Variants in HERC2 observed in about 807,000 individuals in gnomAD.
HERC2 encodes E3 ubiquitin-protein ligase HERC2.
In HERC2, 102 loss-of-function variants were observed where a neutral mutation model predicts 537.7. The ratio of observed to expected loss-of-function variants is 0.19; its 90% CI spans 0.16 to 0.22. The LOEUF is 0.22. HERC2 is among the 10% of genes least tolerant of loss of function. The probability of loss-of-function intolerance (pLI) is 1.00; values close to 1 mark genes in which losing one functional copy is unlikely to be tolerated. For missense variants in HERC2, 4,236 were observed against 6,198.2 expected (o/e 0.68, Z 10.63); for synonymous variants, 2,224 against 2,466.2 (o/e 0.90, Z 2.91).
chr15:28,274,378 G>T lies in HERC2; in HGVS notation c.713C>A (p.Ala238Asp), dbSNP rs1229555061. 1 of 1,614,022 alleles carries T rather than the reference G, an allele frequency of 6.2e-7. No homozygotes were observed. The highest frequency in any genetic ancestry group is 8.5e-7 in the Non-Finnish European group (1 of 1,179,998). Residue 238 changes from alanine to aspartate, a missense_variant, in exon 7 of 93, where the codon GCC (alanine) becomes GAC (aspartate). Transcript: ENST00000261609. ...SLDALRALPEASLFDESTVSS... is the reference protein window; with the variant it reads ...SLDALRALPEDSLFDESTVSS... ...CACGGTGCTCTCGTCAAAGAGCGAG[G>T]CCTCGGGAAGTGCTCGCAGGGCGTC...
chr15:28,168,378 A>G, intron 67 of HERC2, 29 bp downstream of exon 67: 1 of 1,604,456 alleles, frequency 6.2e-7, no homozygotes, highest in Non-Finnish European at 8.5e-7. Flanking sequence ...TTCCTTTCTG[A>G]TCTAACATTG....
At position 28,202,475 on chromosome 15, in the gene HERC2, C is replaced by T. The variant is rs778731000; in HGVS notation, c.7352G>A (p.Arg2451His). 1.2e-5 allele frequency: 17 copies of T among 1,468,912 alleles called. No homozygotes were observed. Among genetic ancestry groups the T allele is most frequent in the East Asian group, 9.1e-5 (4 of 43,940 alleles). 91.0% of individuals were successfully genotyped at this position (1,468,912 alleles called of 1,614,324 possible). Residue 2451 changes from arginine (R) to histidine (H), a missense_variant, in exon 46 of 93, where the codon CGC becomes CAC. Coordinates refer to ENST00000261609, the MANE Select transcript of HERC2 (RefSeq NM_004667.6). ...QHIRPARVKR[R>H]KQSPVPALPI... Reference sequence around the variant, plus strand: ...CAGAGCGGGAACGGGCGACTGCTTGCGCCTCTTCACTCTGGCAGGGCGGAT... The same window carrying T: ...CAGAGCGGGAACGGGCGACTGCTTGTGCCTCTTCACTCTGGCAGGGCGGAT...
intron 45 of HERC2, among the ~76,000 whole-genome samples, chr15:28,204,335 G>C (rs1898178462): frequency 6.6e-6 from 1 of 152,116 alleles, no homozygotes; most frequent in South Asian, 2.1e-4. Context: ...GCAAAAGATA[G>C]ATTTGGCCAG....
Position 28,176,768 on chromosome 15 carries a change from C to T in HERC2, c.9433G>A (p.Val3145Met). The change falls in exon 62 of 93, where the codon GTG becomes ATG. Residue 3145 changes from valine (V) to methionine (M), a missense_variant and splice_region_variant. By Grantham distance (21) the Val-to-Met change is conservative (BLOSUM62 1). Around this residue, in one of 27 missense-constraint regions of HERC2, gnomAD observed 606 missense variants for 884.5 expected, o/e 0.69. Transcript: ENST00000261609. The surrounding 1 kb of genome is among the most constrained non-coding windows in gnomAD (Gnocchi z 5.0). ...ACTCTGTGACCGAGAAGGACTTTCA[C>T]CTACTCAATTACAAATTTAAAAACA... ...DNTTQLKPKM[V>M]KVLLGHRVIQ... is the part of the protein sequence containing the mutation. The T allele has an allele frequency of 1.2e-6, 2 of 1,613,472 alleles. No homozygotes were observed. Among genetic ancestry groups the T allele is most frequent in the African/African-American group, 1.3e-5 (1 of 75,010 alleles).
intron 40 of HERC2, 40 bp downstream of exon 40, chr15:28,214,615 G>A (rs769376936): frequency 1.7e-5 from 28 of 1,607,780 alleles, no homozygotes; most frequent in Admixed American, 6.7e-5. Context: ...GCACTGCGCC[G>A]CTCTTCACCA....
intron 85 of HERC2, among the ~76,000 whole-genome samples, chr15:28,123,248 A>G (rs1889121149): frequency 6.6e-6 from 1 of 152,254 alleles, no homozygotes; most frequent in Non-Finnish European, 1.5e-5. Flanking sequence ...CTGCTGGGAC[A>G]GGACTCCAAA....
rs373439273 is a variant in HERC2 at position 28,196,499 on chromosome 15, T to C, written c.8082A>G (p.Ser2694=). Reference sequence around the variant, plus strand: ...GAATACTGGGTACCAACTCCATTTCTGATAGCAACCCAGTCCAGTGAGACT... The same window carrying C: ...GAATACTGGGTACCAACTCCATTTCCGATAGCAACCCAGTCCAGTGAGACT... The part of the protein sequence containing the change: ...PQQSHWTGLL[S]EMELVPSIHP... Residue 2694 remains serine (S), a synonymous_variant, in exon 51 of 93, where the codon TCA becomes TCG. Transcript: ENST00000261609. The C allele has an allele frequency of 1.1e-4, 181 of 1,613,664 alleles. No homozygotes were observed. The highest frequency in any genetic ancestry group is 1.7e-4 in the Admixed American group (10 of 59,994).
intron 75 of HERC2, chr15:28,142,595 G>A (rs1172325476): frequency 3.2e-6 from 2 of 628,722 alleles, no homozygotes. Context: ...CTTGTTGCCT[G>A]CATCAAGTGA....
chr15:28,210,089 G>C (rs921647512), intron 44 of HERC2, among the ~76,000 whole-genome samples: 4 of 151,130 alleles, frequency 2.6e-5, no homozygotes, highest in African/African-American at 9.7e-5. Flanking sequence ...AGCCTTCCAA[G>C]TAGCTGGGAT....
In HERC2 at chr15:28,196,441, C is replaced by A; in HGVS notation, c.8120+20G>T. On this transcript the variant is annotated intron_variant, in intron 51 of 92. Coordinates refer to ENST00000261609, the MANE Select transcript of HERC2 (RefSeq NM_004667.6). Reference sequence around the variant, plus strand: ...ACCATTCGTCCCAAAGCAAATCTAGCAACCATAAAAATAACTCACGTAACC... The same window carrying A: ...ACCATTCGTCCCAAAGCAAATCTAGAAACCATAAAAATAACTCACGTAACC... 6.3e-7 allele frequency: 1 copy of A among 1,599,722 alleles called. No individual in the cohort carries two copies. Among genetic ancestry groups the A allele is most frequent in the African/African-American group, 1.3e-5 (1 of 74,558 alleles).
chr15:28,177,503 C>T lies in HERC2; in HGVS notation c.9170G>A (p.Arg3057Gln), dbSNP rs1174746372. The T allele has an allele frequency of 3.7e-6, 6 of 1,614,184 alleles. No individual in the cohort carries two copies. The highest frequency in any genetic ancestry group is 1.1e-5 in the South Asian group (1 of 91,086). Residue 3057 changes from arginine to glutamine, a missense_variant, in exon 60 of 93, where the codon CGG becomes CAG. Coordinates refer to ENST00000261609, the MANE Select transcript of HERC2 (RefSeq NM_004667.6). This position sits in a 1 kb window ranked among gnomAD's most constrained non-coding sequence, Gnocchi z 5.0. ...ATCGACAGTTAAAGCCGTCGCGTGC[C>T]GGCCACCTGCAACATTCACAGACAC... Reference protein sequence around the residue: ...VKKVAVHSGGRHATALTVDGK... With the variant: ...VKKVAVHSGGQHATALTVDGK...
chr15:28,193,738 T>C (rs1897071931), intron 52 of HERC2, among the ~76,000 whole-genome samples: 1 of 152,160 alleles, frequency 6.6e-6, no homozygotes, highest in Admixed American at 6.5e-5. Flanking sequence ...TAGACTTCCA[T>C]CCAACTTCAG....
chr15:28,241,421 T>C (rs78316732), intron 23 of HERC2, among the ~76,000 whole-genome samples: 1 of 151,458 alleles, frequency 6.6e-6, no homozygotes, highest in East Asian at 1.9e-4. Flanking sequence ...GACAGGAACA[T>C]AAAATGGTGC....
At chr15:28,280,399 G>A (rs987977786) in intron 4 of HERC2, 112 bp from the exon 5 acceptor site, 3 of 847,358 alleles carry the variant, frequency 3.5e-6, no homozygotes, top group South Asian at 1.8e-5. Flanking sequence ...CATGATATGT[G>A]GCAATAATGG....
chr15:28,269,349 C>G lies in HERC2; in HGVS notation c.1345G>C (p.Ala449Pro). ...VIGPIQCEGLANLGVTQIACA... is the reference protein window; with the variant it reads ...VIGPIQCEGLPNLGVTQIACA... ...GCAATCTGTGTGACTCCCAGGTTGG[C>G]CAGGCCTTCGCACTGGATTGGACCA... is the stretch of plus-strand genomic sequence containing the variant. The change falls in exon 11 of 93, where the codon GCC becomes CCC. Residue 449 changes from alanine to proline, a missense_variant. Ala to Pro is a conservative substitution (Grantham distance 27). This residue lies in a region of HERC2 where 491 missense variants were observed against 559.3 expected (regional missense o/e 0.88). Coordinates refer to ENST00000261609, the MANE Select transcript of HERC2 (RefSeq NM_004667.6). 1.2e-6 allele frequency: 2 copies of G among 1,614,182 alleles called. No individual in the cohort carries two copies. The highest frequency in any genetic ancestry group is 2.2e-5 in the South Asian group (2 of 91,078).
chr15:28,162,346 T>G (rs1453175073), intron 69 of HERC2, among the ~76,000 whole-genome samples: 1 of 151,964 alleles, frequency 6.6e-6, no homozygotes, highest in African/African-American at 2.4e-5. Context: ...AGACGAAAAC[T>G]TGGAAGAATT....
At chr15:28,193,216 T>C (rs917062633) in intron 52 of HERC2, among the ~76,000 whole-genome samples, 1 of 152,156 alleles carries the variant, frequency 6.6e-6, no homozygotes, top group Non-Finnish European at 1.5e-5. Flanking sequence ...GCTCCATATA[T>C]TGGAGTTAGA....
At chr15:28,302,959 T>C (rs1253049506) in intron 2 of HERC2, among the ~76,000 whole-genome samples, 2 of 151,688 alleles carry the variant, frequency 1.3e-5, no homozygotes, top group African/African-American at 4.8e-5. Flanking sequence ...CTGTGGGTTG[T>C]CTCTTCATTT....
chr15:28,149,490 T>C (rs1485694853), intron 70 of HERC2, among the ~76,000 whole-genome samples: 1 of 146,658 alleles, frequency 6.8e-6, no homozygotes, highest in Non-Finnish European at 1.5e-5. Flanking sequence ...CCAACATACA[T>C]TCCAGTAACA....
Sources: allele counts gnomAD v4.1 joint callset (sites outside exome capture counted in the v4.1 genomes callset), GRCh38; gene constraint gnomAD v4.1.1; regional missense constraint gnomAD v4.1.1; non-coding constraint Gnocchi (gnomAD v3.1); transcripts MANE v1.5; gene names NCBI Gene and HGNC (gene_info 2026-07-23, HGNC 2026-07-21).